Variants in ARHGAP26 observed in about 807,000 individuals in gnomAD.
ARHGAP26 encodes the protein rho GTPase-activating protein 26.
In ARHGAP26, 38 loss-of-function variants were observed where a neutral mutation model predicts 104.8. That is an observed-to-expected ratio of 0.36 (90% CI 0.28 to 0.48). The LOEUF is 0.48. ARHGAP26 is among the 20% of genes least tolerant of loss of function. The pLI is 0.99. For synonymous variants in ARHGAP26, 341 were observed against 340.0 expected, an observed-to-expected ratio of 1.00 and a Z score of -0.03; for missense variants, 704 against 947.9, an observed-to-expected ratio of 0.74 and a Z score of 3.38.
intron 17 of ARHGAP26, among the ~76,000 whole-genome samples, chr5:143,109,446 GTTTGTT>G (rs1414946094): frequency 6.6e-6 from 1 of 151,734 alleles, no homozygotes; most frequent in Admixed American, 6.6e-5. Flanking sequence ...TTTGGTTTTT[GTTTGTT>G]TTTGTTTTTG....
chr5:142,859,325 G>A (rs1165020183), intron 1 of ARHGAP26, among the ~76,000 whole-genome samples: 17 of 152,160 alleles, frequency 1.1e-4, no homozygotes, highest in African/African-American at 7.2e-5. Context: ...GGGTATTCCC[G>A]TGCCCAGGAC....
intron 1 of ARHGAP26, among the ~76,000 whole-genome samples, chr5:142,789,389 T>G (rs1759330512): frequency 6.6e-6 from 1 of 152,216 alleles, no homozygotes; most frequent in Non-Finnish European, 1.5e-5. Flanking sequence ...GCCAGTATTA[T>G]ATTGAATTTA....
chr5:142,936,029 G>A (rs1237981894), intron 11 of ARHGAP26, among the ~76,000 whole-genome samples: 1 of 151,306 alleles, frequency 6.6e-6, no homozygotes, highest in Non-Finnish European at 1.5e-5. Context: ...TAATATAACA[G>A]GCATACAGAG....
chr5:142,902,487 C>G (rs890042422), intron 7 of ARHGAP26, among the ~76,000 whole-genome samples: 1 of 152,206 alleles, frequency 6.6e-6, no homozygotes, highest in African/African-American at 2.4e-5. Flanking sequence ...CTTAGGAAGG[C>G]TGGCAGGAAA....
intron 17 of ARHGAP26, among the ~76,000 whole-genome samples, chr5:143,085,853 C>A (rs910035278): frequency 6.6e-6 from 1 of 152,210 alleles, no homozygotes; most frequent in South Asian, 2.1e-4. Flanking sequence ...CATTGGAAAC[C>A]ATCTTGGTTG....
intron 1 of ARHGAP26, among the ~76,000 whole-genome samples, chr5:142,851,269 G>A (rs969290922): frequency 2.0e-5 from 3 of 152,012 alleles, no homozygotes; most frequent in Admixed American, 2.0e-4. Flanking sequence ...GCTAATTTTT[G>A]TATTTTTAGT....
At chr5:143,147,201 A>G in intron 19 of ARHGAP26, 30 bp from the exon 20 acceptor site, 1 of 1,608,566 alleles carries the variant, frequency 6.2e-7, no homozygotes, top group Non-Finnish European at 8.5e-7. Context: ...CAATAATATT[A>G]ATATGGGACT....
chr5:142,973,862 C>T (rs760821195), intron 11 of ARHGAP26, among the ~76,000 whole-genome samples: 1 of 152,144 alleles, frequency 6.6e-6, no homozygotes, highest in Admixed American at 6.5e-5. Flanking sequence ...GGTGGGAGGG[C>T]GCTAGCAGAG....
chr5:142,817,330 A>G (rs1765328224), intron 1 of ARHGAP26, among the ~76,000 whole-genome samples: 1 of 152,210 alleles, frequency 6.6e-6, no homozygotes, highest in South Asian at 2.1e-4. Flanking sequence ...ACCTTCACAG[A>G]GTCATTGTTG....
chr5:142,837,173 A>G (rs1032668553), intron 1 of ARHGAP26, among the ~76,000 whole-genome samples: 10 of 152,166 alleles, frequency 6.6e-5, no homozygotes, highest in Non-Finnish European at 5.9e-5. Flanking sequence ...TTTGGAGGCA[A>G]GAAGGCCTGG....
intron 1 of ARHGAP26, among the ~76,000 whole-genome samples, chr5:142,832,954 A>G (rs1200474274): frequency 1.3e-5 from 2 of 152,252 alleles, no homozygotes; most frequent in Non-Finnish European, 2.9e-5. Context: ...AAAGAAGTGA[A>G]AACTACCTGT....
chr5:143,053,435 T>G (rs1785318885), intron 14 of ARHGAP26, among the ~76,000 whole-genome samples: 1 of 152,124 alleles, frequency 6.6e-6, no homozygotes, highest in Non-Finnish European at 1.5e-5. Flanking sequence ...TCCTGTGCAC[T>G]GAAAAAGACT....
chr5:142,795,146 C>G (rs920202815), intron 1 of ARHGAP26, among the ~76,000 whole-genome samples: 1 of 152,238 alleles, frequency 6.6e-6, no homozygotes, highest in Middle Eastern at 3.4e-3. Flanking sequence ...TTTTGCCTAC[C>G]CCCAGAATGG....
At chr5:142,863,106 G>GT (rs747130987) in intron 1 of ARHGAP26, among the ~76,000 whole-genome samples, 4,268 of 141,864 alleles carry the variant, frequency 0.03, 100 homozygotes, top group African/African-American at 0.068. Flanking sequence ...TTCAAGTGAG[G>GT]TTTTTTTTTT....
At position 143,142,134 on chromosome 5, in the gene ARHGAP26, C is replaced by CTTT. The variant is rs762332039; in HGVS notation, c.1838-5077_1838-5075dup. On this transcript the variant is annotated intron_variant, in intron 19 of 22. Coordinates refer to ENST00000645722, the MANE Select transcript of ARHGAP26 (RefSeq NM_001135608.3). Reference sequence around the variant, plus strand: ...AACAACAGATTGACTCTACTTTTCACTTTTTTTTTTTTTTTTTTTTTTGAG... The same window carrying CTTT: ...AACAACAGATTGACTCTACTTTTCACTTTTTTTTTTTTTTTTTTTTTTTTTGAG... 2.2e-3 allele frequency among the ~76,000 whole-genome samples: 227 copies of CTTT among 105,360 alleles called. 13 individuals are homozygous for CTTT. The highest frequency in any genetic ancestry group is 4.6e-3 in the African/African-American group (113 of 24,646). The allele number at this position is 105,360 out of a possible 152,430, so 69.1% of individuals were successfully genotyped here.
intron 4 of ARHGAP26, among the ~76,000 whole-genome samples, chr5:142,883,520 G>T (rs1461697287): frequency 6.6e-6 from 1 of 152,248 alleles, no homozygotes; most frequent in Non-Finnish European, 1.5e-5. Context: ...GTATGTGTCA[G>T]CTAAAATGGA....
intron 20 of ARHGAP26, among the ~76,000 whole-genome samples, chr5:143,148,606 A>G (rs571875625): frequency 4.5e-4 from 69 of 152,248 alleles, no homozygotes; most frequent in African/African-American, 1.5e-3. Flanking sequence ...ATGTTCCTTC[A>G]CCAAGAAGTG....
chr5:142,942,425 A>C (rs904638223), intron 11 of ARHGAP26, among the ~76,000 whole-genome samples: 3 of 152,240 alleles, frequency 2.0e-5, no homozygotes, highest in African/African-American at 7.2e-5. Flanking sequence ...ATATCTGGGC[A>C]GGTGTGATAA....
At chr5:142,955,816 A>T (rs1769148042) in intron 11 of ARHGAP26, among the ~76,000 whole-genome samples, 1 of 152,152 alleles carries the variant, frequency 6.6e-6, no homozygotes, top group Non-Finnish European at 1.5e-5. Context: ...GCCAGGGTGC[A>T]TCTCATGCTG....
Sources: allele counts gnomAD v4.1 joint callset (sites outside exome capture counted in the v4.1 genomes callset), GRCh38; gene constraint gnomAD v4.1.1; transcripts MANE v1.5; gene names NCBI Gene and HGNC (gene_info 2026-07-23, HGNC 2026-07-21).